The following NFIB variants were observed in gnomAD, a reference collection of about 807,000 sequenced individuals.
The protein encoded by NFIB is nuclear factor 1 B-type.
A neutral mutation model predicts 61.5 loss-of-function variants in NFIB; 11 were observed. The ratio of observed to expected loss-of-function variants is 0.18; its 90% CI spans 0.11 to 0.30. NFIB has a LOEUF of 0.30. Ranked by LOEUF, NFIB falls within the 10% of genes least tolerant of loss-of-function variation. NFIB has a pLI of 1.00. For synonymous variants in NFIB, 260 were observed against 216.5 expected (o/e 1.20, Z -1.76); for missense variants, 471 against 608.9 (o/e 0.77, Z 2.38).
chr9:14,139,718 C>T (rs777131086), intron 6 of NFIB, among the ~76,000 whole-genome samples: 7 of 152,132 alleles, frequency 4.6e-5, no homozygotes, highest in Non-Finnish European at 8.8e-5. Flanking sequence ...TTGATTAGAA[C>T]ACATGAAGGG....
the NFIB span, among the ~76,000 whole-genome samples, chr9:14,516,990 A>C: frequency 6.6e-6 from 1 of 152,196 alleles, no homozygotes; most frequent in African/African-American, 2.4e-5. Flanking sequence ...AGATTACATT[A>C]GTTTTGTTTC....
chr9:14,174,766 C>CAAAA (rs546288962), intron 3 of NFIB, among the ~76,000 whole-genome samples: 2 of 56,002 alleles, frequency 3.6e-5, no homozygotes, highest in Admixed American at 2.1e-4. Context: ...GACTCCATCT[C>CAAAA]AAAAAAAAAA....
At chr9:14,188,373 C>A (rs976669103) in intron 2 of NFIB, among the ~76,000 whole-genome samples, 12 of 152,166 alleles carry the variant, frequency 7.9e-5, no homozygotes, top group Admixed American at 7.9e-4. Context: ...ACATTAAATG[C>A]ACCAGCATAA....
At chr9:14,201,802 A>C (rs546553617) in intron 2 of NFIB, among the ~76,000 whole-genome samples, 103 of 109,532 alleles carry the variant, frequency 9.4e-4, no homozygotes, top group African/African-American at 3.1e-3. Context: ...AAGTAACCTT[A>C]AAAAAAAAAA....
intron 2 of NFIB, among the ~76,000 whole-genome samples, 196 bp downstream of exon 2, chr9:14,306,793 C>A (rs557348589): frequency 1.3e-5 from 2 of 152,090 alleles, no homozygotes; most frequent in Admixed American, 1.3e-4. Flanking sequence ...TATCCAGGTA[C>A]GAAAGCTCTG....
At chr9:14,460,948 C>T in the NFIB span, among the ~76,000 whole-genome samples, 1 of 152,088 alleles carries the variant, frequency 6.6e-6, no homozygotes, top group African/African-American at 2.4e-5. Context: ...CCAAGCTCCA[C>T]ACCAGAACTT....
At chr9:14,267,861 A>G (rs1457957172) in intron 2 of NFIB, among the ~76,000 whole-genome samples, 1 of 152,164 alleles carries the variant, frequency 6.6e-6, no homozygotes, top group South Asian at 2.1e-4. Flanking sequence ...GGCTGGGCGC[A>G]GTGGCTCACG....
intron 2 of NFIB, among the ~76,000 whole-genome samples, chr9:14,276,985 G>GATA (rs2058046520): frequency 1.3e-5 from 2 of 151,974 alleles, no homozygotes; most frequent in African/African-American, 2.4e-5. Flanking sequence ...ATGGTGCTAC[G>GATA]AAGAACTTTT....
chr9:14,179,208 A>C (rs2046486367), intron 3 of NFIB, among the ~76,000 whole-genome samples: 1 of 152,116 alleles, frequency 6.6e-6, no homozygotes, highest in African/African-American at 2.4e-5. Context: ...CTTATGCTAA[A>C]GAAAAAAAAA....
chr9:14,301,474 T>C (rs1446186788), intron 2 of NFIB, among the ~76,000 whole-genome samples: 1 of 152,164 alleles, frequency 6.6e-6, no homozygotes, highest in African/African-American at 2.4e-5. Flanking sequence ...CAGTAGAATA[T>C]TTTACCAACC....
chr9:14,292,533 C>G (rs1458065374), intron 2 of NFIB, among the ~76,000 whole-genome samples: 1 of 152,148 alleles, frequency 6.6e-6, no homozygotes, highest in Non-Finnish European at 1.5e-5. Flanking sequence ...CCAAGATAAC[C>G]AGAAACCAAA....
chr9:14,249,087 A>C lies in NFIB; in HGVS notation c.562+57902T>G, dbSNP rs191566469. Among the ~76,000 whole-genome samples the C allele has an allele frequency of 2.2e-4, 34 of 152,362 alleles. No individual in the cohort carries two copies. In the East Asian group the frequency reaches 6.0e-3, roughly 27 times the overall value. On this transcript the variant is annotated intron_variant, in intron 2 of 10. Coordinates refer to ENST00000380953, the MANE Select transcript of NFIB (RefSeq NM_001190737.2). ...ATATACAAACCAAATAGCAGCAAGA[A>C]TTTGACACCTTTCAGTGACCAAAAG...
At chr9:14,106,630 G>C (rs2036599523) in intron 10 of NFIB, among the ~76,000 whole-genome samples, 1 of 151,990 alleles carries the variant, frequency 6.6e-6, no homozygotes, top group South Asian at 2.1e-4. Context: ...TACATAAAGG[G>C]GAAACACCTA....
intron 2 of NFIB, among the ~76,000 whole-genome samples, chr9:14,240,347 G>A (rs1452937265): frequency 2.0e-5 from 3 of 151,684 alleles, no homozygotes; most frequent in Non-Finnish European, 2.9e-5. Context: ...TTCCTACCTA[G>A]TCCCCTATTC....
intron 1 of NFIB, chr9:14,322,396 G>T: frequency 4.2e-6 from 1 of 236,082 alleles, no homozygotes; most frequent in Non-Finnish European, 8.3e-6. Flanking sequence ...GTGGGGCTGC[G>T]CCGGTCAGAT....
upstream of NFIB, among the ~76,000 whole-genome samples, chr9:14,319,098 G>A (rs977516531): frequency 2.0e-5 from 3 of 151,810 alleles, no homozygotes; most frequent in Non-Finnish European, 2.9e-5. Context: ...TCCTCCTCTG[G>A]GAGCTATTTG....
At chr9:14,183,831 TTTCCCCATTCTTTAAGTGTGGGTTTCATG>T (rs1563875890) in intron 2 of NFIB, among the ~76,000 whole-genome samples, 3 of 152,276 alleles carry the variant, frequency 2.0e-5, no homozygotes, top group East Asian at 3.9e-4. Context: ...CAATCTCTAT[TTTCCCCATTCTTTAAGTGTGGGTTTCATG>T]TTCCCCATTC....
At chr9:14,319,141 A>G (rs2060606620), upstream of NFIB, among the ~76,000 whole-genome samples, 1 of 152,058 alleles carries the variant, frequency 6.6e-6, no homozygotes, top group East Asian at 1.9e-4. Context: ...AATGAGAAAA[A>G]TGACGCTGTT....
At chr9:14,326,596 C>T (rs745432219) in intron 1 of NFIB, among the ~76,000 whole-genome samples, 11 of 151,330 alleles carry the variant, frequency 7.3e-5, no homozygotes, top group Non-Finnish European at 1.6e-4. Flanking sequence ...TACCAACCCC[C>T]GGCTATGGCC....
Sources: allele counts gnomAD v4.1 joint callset (sites outside exome capture counted in the v4.1 genomes callset), GRCh38; gene constraint gnomAD v4.1.1; transcripts MANE v1.5; gene names NCBI Gene and HGNC (gene_info 2026-07-23, HGNC 2026-07-21).